Variants in SFMBT2 observed in about 807,000 individuals in gnomAD.
The protein encoded by SFMBT2 is Scm like with four mbt domains 2.
In SFMBT2, 38 loss-of-function variants were observed where a neutral mutation model predicts 110.1. That is an observed-to-expected ratio of 0.35 (90% CI 0.27 to 0.45). SFMBT2 has a LOEUF of 0.45. Among genes scored for constraint, SFMBT2 ranks in the 20% least tolerant of loss-of-function variants. The pLI, the probability that SFMBT2 is intolerant of heterozygous loss-of-function variation, is 1.00. For missense variants in SFMBT2, 1,011 were observed against 1,094.9 expected, an observed-to-expected ratio of 0.92 and a Z score of 1.08; for synonymous variants, 425 against 425.4, an observed-to-expected ratio of 1.00 and a Z score of 0.01.
At chr10:7,228,499 A>G (rs1839967665) in intron 9 of SFMBT2, 1 of 310,522 alleles carries the variant, frequency 3.2e-6, no homozygotes, top group South Asian at 1.3e-4. Context: ...GAGGGAAGGA[A>G]GGCAAACGTT....
intron 7 of SFMBT2, among the ~76,000 whole-genome samples, chr10:7,252,417 T>C (rs1005293208): frequency 6.6e-6 from 1 of 152,204 alleles, no homozygotes; most frequent in African/African-American, 2.4e-5. Flanking sequence ...CAGCGTCCTC[T>C]GCATCTAATT....
chr10:7,312,335 G>A (rs1025279314), intron 4 of SFMBT2, among the ~76,000 whole-genome samples: 3 of 152,146 alleles, frequency 2.0e-5, no homozygotes, highest in Non-Finnish European at 4.4e-5. Flanking sequence ...ACCACCCAAC[G>A]CAGCCAAACT....
chr10:7,374,402 A>G lies in SFMBT2; in HGVS notation c.101-4027T>C, dbSNP rs148142977. ...AGATTCGATGATTCTATCACTTCAGATCAGGGGAGACCAGAGCCTCCAATT... is the reference window on the plus strand; with the variant it reads ...AGATTCGATGATTCTATCACTTCAGGTCAGGGGAGACCAGAGCCTCCAATT... On this transcript the variant is annotated intron_variant, in intron 2 of 20. Transcript: ENST00000397167. Among the ~76,000 whole-genome samples the G allele has an allele frequency of 8.5e-5, 13 of 152,320 alleles. No homozygotes were observed. The East Asian group carries it at 2.5e-3, about 29-fold the overall frequency.
At chr10:7,181,025 G>C (rs1405729771) in intron 16 of SFMBT2, among the ~76,000 whole-genome samples, 1 of 152,096 alleles carries the variant, frequency 6.6e-6, no homozygotes, top group Non-Finnish European at 1.5e-5. Context: ...CAGATCACGA[G>C]GTCAAGAGAT....
chr10:7,404,593 T>A (rs1846163944), intron 1 of SFMBT2, among the ~76,000 whole-genome samples: 1 of 152,254 alleles, frequency 6.6e-6, no homozygotes, highest in African/African-American at 2.4e-5. Flanking sequence ...CCTGGATCTA[T>A]CAAAATGTGT....
intron 16 of SFMBT2, among the ~76,000 whole-genome samples, chr10:7,186,153 G>A (rs769011382): frequency 4.0e-5 from 6 of 151,868 alleles, no homozygotes; most frequent in East Asian, 1.9e-4. Context: ...GTAAGTTTTC[G>A]TTATATTTAC....
chr10:7,342,057 AC>A (rs1843923131), intron 4 of SFMBT2, among the ~76,000 whole-genome samples: 2 of 151,440 alleles, frequency 1.3e-5, no homozygotes, highest in African/African-American at 4.9e-5. Flanking sequence ...TCTTAAATCT[AC>A]TTGGTCCGCA....
At position 7,197,463 on chromosome 10, in the gene SFMBT2, C is replaced by T. The variant is rs1384480969; in HGVS notation, c.1698+85G>A. On this transcript the variant is annotated intron_variant, in intron 15 of 20. Coordinates refer to ENST00000397167, the MANE Select transcript of SFMBT2 (RefSeq NM_001387889.1). The stretch of plus-strand genomic sequence containing the variant: ...AATGCCAGCTGAACTGCTTCCAATG[C>T]CTATTCCCTCCTTCAGAAACTGAGC... 1.4e-5 allele frequency: 22 copies of T among 1,540,154 alleles called. No individual in the cohort carries two copies. In the East Asian group the frequency reaches 5.0e-4, roughly 35 times the overall value.
At position 7,276,993 on chromosome 10, in the gene SFMBT2, T is replaced by C; in HGVS notation, c.773-4A>G. Reference sequence around the variant, plus strand: ...GCCATCTTCAAAGGATAGATTTCTGTATCAACAGCAAATCACAGAAGAGTT... The same window carrying C: ...GCCATCTTCAAAGGATAGATTTCTGCATCAACAGCAAATCACAGAAGAGTT... On this transcript the variant is annotated splice_region_variant and splice_polypyrimidine_tract_variant and intron_variant, in intron 6 of 20. Coordinates refer to ENST00000397167, the MANE Select transcript of SFMBT2 (RefSeq NM_001387889.1). 1 of 868,980 alleles carries C rather than the reference T, an allele frequency of 1.2e-6. No homozygotes were observed. Among genetic ancestry groups the C allele is most frequent in the Non-Finnish European group, 2.0e-6 (1 of 498,224 alleles). The allele number at this position is 868,980 out of a possible 1,614,324, so 53.8% of individuals were successfully genotyped here.
In SFMBT2 at chr10:7,163,011, G is replaced by A. The variant is rs1346432979; in HGVS notation, c.*759C>T. The A allele has an allele frequency of 6.6e-6, 1 of 152,644 alleles. No individual in the cohort carries two copies. The highest frequency in any genetic ancestry group is 2.4e-5 in the African/African-American group (1 of 41,434). 9.5% of individuals were successfully genotyped at this position (152,644 alleles called of 1,614,324 possible). ...CCAGCTACTTGGGAGGCTGAGGCAG[G>A]AGAATCACTTGAACCCGGGAGAGAG... On this transcript the variant is annotated 3_prime_UTR_variant, in exon 21 of 21. Transcript: ENST00000397167. This position sits in a 1 kb window ranked among gnomAD's most constrained non-coding sequence, Gnocchi z 4.8.
intron 4 of SFMBT2, among the ~76,000 whole-genome samples, chr10:7,299,676 G>T (rs762379991): frequency 7.9e-5 from 12 of 152,140 alleles, no homozygotes; most frequent in Non-Finnish European, 1.8e-4. Flanking sequence ...ACAGTATGGC[G>T]ATTCCTCAAA....
intron 9 of SFMBT2, among the ~76,000 whole-genome samples, chr10:7,240,619 G>A (rs553530412): frequency 2.6e-5 from 4 of 151,942 alleles, no homozygotes; most frequent in Admixed American, 6.5e-5. Context: ...CACTCTCAAC[G>A]GCAATGTCTA....
intron 7 of SFMBT2, among the ~76,000 whole-genome samples, chr10:7,270,499 T>C (rs1841547623): frequency 6.6e-6 from 1 of 152,234 alleles, no homozygotes; most frequent in African/African-American, 2.4e-5. Context: ...ACCTCCTGTG[T>C]CTCTTCCATT....
intron 9 of SFMBT2, among the ~76,000 whole-genome samples, chr10:7,228,734 TCCTTTCTCTCTCTCTCTCTCTC>T (rs1484798049): frequency 0.013 from 748 of 55,458 alleles, 12 homozygotes; most frequent in Non-Finnish European, 0.021. Context: ...TTTCTTTCTT[TCCTTTCTCTCTCTCTCTCTCTC>T]TCTCTCTCTC....
At chr10:7,273,517 A>G (rs574635489) in intron 7 of SFMBT2, among the ~76,000 whole-genome samples, 14 of 152,324 alleles carry the variant, frequency 9.2e-5, no homozygotes, top group African/African-American at 2.9e-4. Context: ...GTACATGTGC[A>G]CAACGTGCAG....
intron 4 of SFMBT2, among the ~76,000 whole-genome samples, chr10:7,347,302 C>T (rs1297605488): frequency 1.3e-5 from 2 of 152,164 alleles, no homozygotes; most frequent in African/African-American, 4.8e-5. Flanking sequence ...AACCAGCCTT[C>T]CACCATGCAG....
intron 2 of SFMBT2, 86 bp downstream of exon 2, chr10:7,381,713 G>A: frequency 7.2e-7 from 1 of 1,388,212 alleles, no homozygotes; most frequent in Non-Finnish European, 1.0e-6. Context: ...ATCTACAAAT[G>A]TTGCCCCATT....
chr10:7,181,238 CAAAA>C (rs59457180), intron 16 of SFMBT2, among the ~76,000 whole-genome samples: 1 of 72,194 alleles, frequency 1.4e-5, no homozygotes. Flanking sequence ...GACTCCATTT[CAAAA>C]AAAAAAAAAA....
chr10:7,221,564 T>C (rs755534437), intron 10 of SFMBT2, among the ~76,000 whole-genome samples: 12 of 117,778 alleles, frequency 1.0e-4, no homozygotes, highest in Non-Finnish European at 2.0e-4. Flanking sequence ...AGACTCTGTC[T>C]CAAATGAGGA....
Sources: allele counts gnomAD v4.1 joint callset (sites outside exome capture counted in the v4.1 genomes callset), GRCh38; gene constraint gnomAD v4.1.1; non-coding constraint Gnocchi (gnomAD v3.1); transcripts MANE v1.5; gene names NCBI Gene and HGNC (gene_info 2026-07-23, HGNC 2026-07-21).